The following PDE4D variants were observed in gnomAD, a reference collection of about 807,000 sequenced individuals.
The protein encoded by PDE4D is phosphodiesterase 4D, also known as 3',5'-cyclic-AMP phosphodiesterase 4D.
PDE4D carries 24 observed loss-of-function variants against 87.4 expected under a neutral mutation model. That is an observed-to-expected ratio of 0.27 (90% CI 0.20 to 0.39). The LOEUF (loss-of-function observed/expected upper bound fraction) is 0.39. PDE4D is among the 10% of genes least tolerant of loss of function. The pLI, the probability that PDE4D is intolerant of heterozygous loss-of-function variation, is 1.00. For missense variants in PDE4D, 714 were observed against 1,041.0 expected, an observed-to-expected ratio of 0.69 and a Z score of 4.32; for synonymous variants, 384 against 383.2, an observed-to-expected ratio of 1.00 and a Z score of -0.02.
At chr5:60,375,755 T>C (rs1476411223) in intron 1 of PDE4D, among the ~76,000 whole-genome samples, 3 of 152,172 alleles carry the variant, frequency 2.0e-5, no homozygotes, top group Non-Finnish European at 4.4e-5. Flanking sequence ...TATAATATAC[T>C]ACCAGCTGGG....
chr5:59,023,211 A>C (rs1034520518), intron 6 of PDE4D, among the ~76,000 whole-genome samples: 3 of 152,004 alleles, frequency 2.0e-5, no homozygotes, highest in African/African-American at 7.2e-5. Context: ...GAGAAAATAC[A>C]ACCAGAGAAT....
chr5:60,403,610 A>C (rs1012837108), intron 1 of PDE4D, among the ~76,000 whole-genome samples: 1 of 152,238 alleles, frequency 6.6e-6, no homozygotes, highest in African/African-American at 2.4e-5. Context: ...AATCACATGA[A>C]GCAGGTATCA....
At position 60,344,365 on chromosome 5, in the gene PDE4D, AT is replaced by A. The variant is rs958080632; in HGVS notation, c.-90+143576del. On this transcript the variant is annotated intron_variant, in intron 1 of 16. Coordinates refer to the PDE4D transcript ENST00000502484. ...CTCTATTCGTTAGTTTTGGTTCTTG[AT>A]TTTTTTTTTCTGGGCACCTTAAATT... Among the ~76,000 whole-genome samples, 984 of 149,812 alleles carry A rather than the reference AT, an allele frequency of 6.6e-3. 7 individuals carry two copies. The highest frequency in any genetic ancestry group is 0.023 in the African/African-American group (943 of 40,874).
At chr5:59,851,970 G>C (rs1268916305) in intron 1 of PDE4D, among the ~76,000 whole-genome samples, 1 of 152,064 alleles carries the variant, frequency 6.6e-6, no homozygotes, top group East Asian at 1.9e-4. Context: ...CTGACCTACA[G>C]AGGTGTGACA....
intron 1 of PDE4D, among the ~76,000 whole-genome samples, chr5:59,269,506 A>G (rs547088796): frequency 2.6e-5 from 4 of 152,120 alleles, no homozygotes; most frequent in Non-Finnish European, 5.9e-5. Flanking sequence ...GTTTATCCCA[A>G]TCCATATAGA....
At chr5:59,800,722 T>TAGG (rs1767030974) in intron 1 of PDE4D, among the ~76,000 whole-genome samples, 1 of 151,778 alleles carries the variant, frequency 6.6e-6, no homozygotes, top group Non-Finnish European at 1.5e-5. Flanking sequence ...TCAGCAAAGC[T>TAGG]GTGTGGTGCC....
intron 1 of PDE4D, among the ~76,000 whole-genome samples, chr5:59,705,343 C>A (rs1490551495): frequency 6.6e-6 from 1 of 152,086 alleles, no homozygotes; most frequent in Non-Finnish European, 1.5e-5. Context: ...TTTCTTGTCA[C>A]CTTCCCTAAA....
At chr5:59,325,906 G>T (rs2153573893) in intron 1 of PDE4D, among the ~76,000 whole-genome samples, 1 of 152,074 alleles carries the variant, frequency 6.6e-6, no homozygotes, top group Middle Eastern at 3.4e-3. Context: ...AGAAAATGTG[G>T]CACATATACA....
chr5:59,937,309 A>C (rs1462958077), intron 3 of PDE4D, among the ~76,000 whole-genome samples: 1 of 152,236 alleles, frequency 6.6e-6, no homozygotes. Flanking sequence ...TATGGACATA[A>C]AATAATATAA....
At chr5:60,066,545 T>C (rs1291863745) in intron 2 of PDE4D, among the ~76,000 whole-genome samples, 1 of 152,032 alleles carries the variant, frequency 6.6e-6, no homozygotes, top group Non-Finnish European at 1.5e-5. Flanking sequence ...CTTATCATTA[T>C]CAACTCTGTT....
chr5:60,461,102 T>C (rs75551220), intron 1 of PDE4D, among the ~76,000 whole-genome samples: 93 of 152,254 alleles, frequency 6.1e-4, no homozygotes, highest in Admixed American at 1.4e-3. Flanking sequence ...TGATCTAAAT[T>C]AATATTAGAA....
At chr5:59,278,036 T>C (rs72765986) in intron 1 of PDE4D, among the ~76,000 whole-genome samples, 13 of 152,228 alleles carry the variant, frequency 8.5e-5, no homozygotes, top group Non-Finnish European at 1.3e-4. Context: ...TACATCAAGG[T>C]TGCCATTACA....
At chr5:60,324,182 A>G (rs1756566084) in intron 1 of PDE4D, among the ~76,000 whole-genome samples, 1 of 152,220 alleles carries the variant, frequency 6.6e-6, no homozygotes, top group Non-Finnish European at 1.5e-5. Flanking sequence ...GGGTGAATGA[A>G]CAAATGAATA....
chr5:59,665,626 G>C (rs544999508), intron 1 of PDE4D, among the ~76,000 whole-genome samples: 1 of 152,262 alleles, frequency 6.6e-6, no homozygotes, highest in South Asian at 2.1e-4. Flanking sequence ...AAGCTGAAAT[G>C]ACCAGCTATG....
intron 1 of PDE4D, among the ~76,000 whole-genome samples, chr5:60,253,434 C>G (rs929961085): frequency 2.0e-5 from 3 of 151,746 alleles, no homozygotes; most frequent in Non-Finnish European, 2.9e-5. Context: ...CAGAACAGGC[C>G]ACTTCTCTTG....
In PDE4D at chr5:59,757,043, G is replaced by A. The variant is rs574173358; in HGVS notation, c.455+136125C>T. Among the ~76,000 whole-genome samples the A allele has an allele frequency of 5.9e-5, 9 of 152,006 alleles. No homozygotes were observed. In the East Asian group the frequency reaches 1.4e-3, roughly 23 times the overall value. On this transcript the variant is annotated intron_variant, in intron 1 of 14. Transcript: ENST00000340635. Reference sequence around the variant, plus strand: ...AAACTCCTGACCTCAAGTGATCCACGTGCCTCAGCCTCCCAAAGTGCTGGG... The same window carrying A: ...AAACTCCTGACCTCAAGTGATCCACATGCCTCAGCCTCCCAAAGTGCTGGG...
At chr5:59,627,570 C>A (rs766169124) in intron 1 of PDE4D, among the ~76,000 whole-genome samples, 161 of 152,292 alleles carry the variant, frequency 1.1e-3, no homozygotes, top group Non-Finnish European at 1.4e-3. Context: ...CCAGTGATAT[C>A]AATGAATGCC....
chr5:59,729,560 C>A (rs774647904), intron 1 of PDE4D, among the ~76,000 whole-genome samples: 2 of 151,942 alleles, frequency 1.3e-5, no homozygotes, highest in Non-Finnish European at 2.9e-5. Context: ...TTTAAAATTG[C>A]AAATTCCAGA....
intron 1 of PDE4D, among the ~76,000 whole-genome samples, chr5:60,346,103 T>C (rs1414722874): frequency 1.3e-5 from 2 of 152,190 alleles, no homozygotes; most frequent in African/African-American, 4.8e-5. Context: ...TAAAAATCTT[T>C]AAAAATACAT....
Sources: allele counts gnomAD v4.1 joint callset (sites outside exome capture counted in the v4.1 genomes callset), GRCh38; gene constraint gnomAD v4.1.1; transcripts MANE v1.5; gene names NCBI Gene and HGNC (gene_info 2026-07-23, HGNC 2026-07-21).